The following POLD1 variants were observed in gnomAD, a reference collection of about 807,000 sequenced individuals.
POLD1 encodes the protein DNA polymerase delta catalytic subunit.
In POLD1, 79 loss-of-function variants were observed where a neutral mutation model predicts 129.7. That is an observed-to-expected ratio of 0.61 (90% CI 0.51 to 0.73). POLD1 has a LOEUF of 0.73. Among genes scored for constraint, POLD1 ranks in the 30% least tolerant of loss-of-function variants. The probability of loss-of-function intolerance (pLI) is 0.00; values close to 1 mark genes in which losing one functional copy is unlikely to be tolerated. For synonymous variants in POLD1, 714 were observed against 683.3 expected, an observed-to-expected ratio of 1.04 and a Z score of -0.70; for missense variants, 1,338 against 1,595.8, an observed-to-expected ratio of 0.84 and a Z score of 2.75.
In POLD1 at chr19:50,397,027, G is replaced by A. The variant is rs147415549; in HGVS notation, c.-1-1824G>A. Among the ~76,000 whole-genome samples the A allele has an allele frequency of 6.7e-3, 1,003 of 150,238 alleles. 5 individuals carry two copies. Among genetic ancestry groups the A allele is most frequent in the Middle Eastern group, 0.024 (7 of 288 alleles). ...GGAGAATCTCTTGAATCTGGGAGGC[G>A]GAGGTTGCAGCCAAGATCGCACCAC... On this transcript the variant is annotated intron_variant, in intron 1 of 26. Transcript: ENST00000440232.
chr19:50,392,063 A>G (rs1025587723), intron 1 of POLD1, among the ~76,000 whole-genome samples: 2 of 151,554 alleles, frequency 1.3e-5, no homozygotes, highest in East Asian at 2.0e-4. Context: ...GATAACACAC[A>G]TTGTCATGGC....
At chr19:50,415,859 G>GC in intron 22 of POLD1, 33 bp downstream of exon 22, 1 of 1,376,046 alleles carries the variant, frequency 7.3e-7, no homozygotes. Context: ...CTCCCGCCCA[G>GC]CCCCCTCGCT....
chr19:50,401,240 G>GAT (rs566823603), intron 3 of POLD1, among the ~76,000 whole-genome samples: 39 of 146,150 alleles, frequency 2.7e-4, no homozygotes, highest in African/African-American at 7.2e-4. Flanking sequence ...ATAAATATAA[G>GAT]ATATATATAT....
At chr19:50,387,086 G>A (rs1601159265) in intron 1 of POLD1, among the ~76,000 whole-genome samples, 1 of 152,188 alleles carries the variant, frequency 6.6e-6, no homozygotes, top group Non-Finnish European at 1.5e-5. Context: ...CAGCACTTTG[G>A]GAGGCCGAGG....
intron 3 of POLD1, among the ~76,000 whole-genome samples, chr19:50,401,391 A>ATATATATATTTT (rs1334231607): frequency 1.1e-4 from 7 of 65,948 alleles, no homozygotes; most frequent in African/African-American, 4.1e-4. Flanking sequence ...ATATATATAT[A>ATATATATATTTT]TTTTTTTTTT....
chr19:50,413,187 TC>T, intron 17 of POLD1, among the ~76,000 whole-genome samples: 1 of 152,324 alleles, frequency 6.6e-6, no homozygotes, highest in Non-Finnish European at 1.5e-5. Context: ...TGTAGTCACT[TC>T]CTTGTGCATG....
intron 17 of POLD1, among the ~76,000 whole-genome samples, chr19:50,412,915 CT>C (rs1484831337): frequency 4.7e-5 from 7 of 149,450 alleles, no homozygotes; most frequent in Admixed American, 2.0e-4. Flanking sequence ...AGCTAGTTTT[CT>C]TAACTCTAAA....
chr19:50,416,348 C>T (rs3219439), intron 22 of POLD1, 48 bp from the exon 23 acceptor site: 28 of 1,540,638 alleles, frequency 1.8e-5, no homozygotes, highest in African/African-American at 4.1e-5. Context: ...GTGTCCACCC[C>T]GGTGCCCTTT....
intron 2 of POLD1, 125 bp downstream of exon 2, chr19:50,399,178 A>C (rs1358340675): frequency 1.4e-6 from 2 of 1,420,684 alleles, no homozygotes; most frequent in African/African-American, 2.9e-5. Context: ...CCTACAAAGG[A>C]CTGCCCTTCC....
At chr19:50,416,158 C>T (rs2039280859) in intron 22 of POLD1, 10 of 590,960 alleles carry the variant, frequency 1.7e-5, no homozygotes, top group Non-Finnish European at 2.4e-5. Flanking sequence ...ACCTCCTGAC[C>T]CCTTCCTCAT....
chr19:50,416,336 C>G (rs1231649185), intron 22 of POLD1, 60 bp from the exon 23 acceptor site: 3 of 1,529,496 alleles, frequency 2.0e-6, no homozygotes, highest in Admixed American at 4.0e-5. Flanking sequence ...CATGACCACC[C>G]CGTGTCCACC....
Position 50,408,910 on chromosome 19 carries a change from C to G in POLD1, c.1892+9C>G, listed in dbSNP as rs1060504366. 3.7e-6 allele frequency: 6 copies of G among 1,603,918 alleles called. No homozygotes were observed. The highest frequency in any genetic ancestry group is 4.3e-6 in the Non-Finnish European group (5 of 1,174,372). ...ACTGCACAGAAACTGGGGTATAGTG[C>G]CCAATTCAGCATGTGTCCCCCGAGG... On this transcript the variant is annotated intron_variant, in intron 15 of 26. Transcript: ENST00000440232.
At chr19:50,388,192 G>C (rs963061210) in intron 1 of POLD1, among the ~76,000 whole-genome samples, 1 of 152,308 alleles carries the variant, frequency 6.6e-6, no homozygotes, top group African/African-American at 2.4e-5. Context: ...TGCAGGGAGA[G>C]AGCTAAAGGA....
At chr19:50,386,054 C>T (rs2037960607) in intron 1 of POLD1, among the ~76,000 whole-genome samples, 1 of 152,174 alleles carries the variant, frequency 6.6e-6, no homozygotes, top group Non-Finnish European at 1.5e-5. Context: ...CAGTGATAGT[C>T]TTTGGGAGCC....
At chr19:50,396,725 C>T (rs2038381645) in intron 1 of POLD1, among the ~76,000 whole-genome samples, 1 of 152,066 alleles carries the variant, frequency 6.6e-6, no homozygotes, top group Non-Finnish European at 1.5e-5. Context: ...CATGATTCAC[C>T]TGCCTCCTAA....
intron 21 of POLD1, 48 bp from the exon 22 acceptor site, chr19:50,415,667 GCCCCCACCC>G (rs2039255538): frequency 6.8e-7 from 1 of 1,460,128 alleles, no homozygotes; most frequent in Non-Finnish European, 9.3e-7. Flanking sequence ...CTACACCCTC[GCCCCCACCC>G]CCGCCACCCA....
intron 5 of POLD1, 32 bp from the exon 6 acceptor site, chr19:50,402,173 C>T (rs532449316): frequency 6.3e-7 from 1 of 1,588,420 alleles, no homozygotes; most frequent in Non-Finnish European, 8.6e-7. Flanking sequence ...CTCGGGAGGC[C>T]ATTGGCTGGT....
intron 22 of POLD1, 164 bp downstream of exon 22, chr19:50,415,990 T>TC (rs2045668394): frequency 1.7e-6 from 1 of 588,684 alleles, no homozygotes. Context: ...CCTCTGGAGG[T>TC]CCCCCCTCTA....
chr19:50,416,529 G>A lies in POLD1; in HGVS notation c.2953+1G>A, dbSNP rs1555793361. On this transcript the variant is annotated splice_donor_variant, in intron 23 of 26. Transcript: ENST00000440232. LOFTEE classifies it high-confidence loss of function. The stretch of plus-strand genomic sequence containing the variant: ...GGCCGTGCCGAGGCTGTGCTACTGC[G>A]TACGGGGGCACCAGGGGACTGGGGG... The A allele has an allele frequency of 6.4e-7, 1 of 1,552,540 alleles. No individual in the cohort carries two copies. Among genetic ancestry groups the A allele is most frequent in the Non-Finnish European group, 8.7e-7 (1 of 1,150,144 alleles).
Sources: allele counts gnomAD v4.1 joint callset (sites outside exome capture counted in the v4.1 genomes callset), GRCh38; gene constraint gnomAD v4.1.1; transcripts MANE v1.5; gene names NCBI Gene and HGNC (gene_info 2026-07-23, HGNC 2026-07-21).